The following CDIN1 variants were observed in gnomAD, a reference collection of about 807,000 sequenced individuals.
The protein encoded by CDIN1 is CDAN1-interacting nuclease 1.
In CDIN1, 33 loss-of-function variants were observed where a neutral mutation model predicts 45.3. The observed-to-expected ratio is 0.73, with a 90% confidence interval of 0.55 to 0.97. The LOEUF (loss-of-function observed/expected upper bound fraction) is 0.97, where lower values mean the gene tolerates loss of function less well. Ranked by LOEUF, CDIN1 falls within the 50% of genes least tolerant of loss-of-function variation. The pLI is 0.00. For synonymous variants in CDIN1, 118 were observed against 124.4 expected, an observed-to-expected ratio of 0.95 and a Z score of 0.34; for missense variants, 303 against 339.4, an observed-to-expected ratio of 0.89 and a Z score of 0.84.
intron 10 of CDIN1, among the ~76,000 whole-genome samples, chr15:36,797,799 G>C (rs1383218116): frequency 1.3e-5 from 2 of 151,948 alleles, no homozygotes; most frequent in Non-Finnish European, 2.9e-5. Context: ...TGCCAACATG[G>C]TGAAACCCCG....
chr15:36,595,895 A>G (rs7183890), intron 1 of CDIN1, among the ~76,000 whole-genome samples: 53,309 of 152,138 alleles, frequency 0.35, 9,541 homozygotes, highest in Middle Eastern at 0.46. Flanking sequence ...CTGACGGCAT[A>G]TCATCAGTAA....
chr15:36,707,126 T>G (rs955773451), intron 8 of CDIN1: 8 of 152,064 alleles, frequency 5.3e-5, no homozygotes, highest in Non-Finnish European at 1.0e-4. Flanking sequence ...GTAAATAGAT[T>G]AAAGGAAGAA....
At chr15:36,687,187 AAG>A (rs1296954807) in intron 5 of CDIN1, among the ~76,000 whole-genome samples, 1 of 152,120 alleles carries the variant, frequency 6.6e-6, no homozygotes, top group Non-Finnish European at 1.5e-5. Flanking sequence ...CACAGAAAAT[AAG>A]AGAGTAAAAA....
intron 1 of CDIN1, among the ~76,000 whole-genome samples, chr15:36,621,728 C>CA (rs1409171596): frequency 1.3e-5 from 2 of 151,362 alleles, no homozygotes; most frequent in African/African-American, 2.4e-5. Flanking sequence ...TCTGTAAAAA[C>CA]AAAAAAAAAT....
At chr15:36,805,521 G>C (rs1015423951) in intron 10 of CDIN1, among the ~76,000 whole-genome samples, 1 of 152,122 alleles carries the variant, frequency 6.6e-6, no homozygotes, top group Non-Finnish European at 1.5e-5. Context: ...GCATCAAAAA[G>C]AGGAAATGGT....
intron 10 of CDIN1, among the ~76,000 whole-genome samples, chr15:36,712,996 G>A (rs1282569611): frequency 6.6e-6 from 1 of 152,098 alleles, no homozygotes; most frequent in Non-Finnish European, 1.5e-5. Context: ...TAATCAAAAG[G>A]TGAGTTCTTT....
At chr15:36,581,843 T>C (rs548855631) in intron 1 of CDIN1, among the ~76,000 whole-genome samples, 1 of 152,374 alleles carries the variant, frequency 6.6e-6, no homozygotes, top group Admixed American at 6.5e-5. Flanking sequence ...TTACAATCCA[T>C]TGGCCTATTT....
chr15:36,667,686 C>T (rs561907574), intron 5 of CDIN1, among the ~76,000 whole-genome samples: 13 of 152,176 alleles, frequency 8.5e-5, no homozygotes, highest in Admixed American at 2.6e-4. Flanking sequence ...CATGAGAAGA[C>T]GCTAATATAT....
rs1681164031 is a variant in CDIN1 at position 36,619,108 on chromosome 15, G to T, written c.102-25170G>T. On this transcript the variant is annotated intron_variant, in intron 1 of 10. Coordinates refer to ENST00000566621, the MANE Select transcript of CDIN1 (RefSeq NM_001321759.2). The stretch of plus-strand genomic sequence containing the variant: ...ACCAAATGAGAAGCCAGAAGCAAGG[G>T]CTAGTAAGGATTATTCTGGCTTCTG... 9 of 1,068,710 alleles carry T rather than the reference G, an allele frequency of 8.4e-6. No individual in the cohort carries two copies. The East Asian group carries it at 1.9e-4, about 22-fold the overall frequency. The allele number at this position is 1,068,710 out of a possible 1,614,324, so 66.2% of individuals were successfully genotyped here. A position where few individuals can be genotyped will look rare whatever the true frequency, so the allele number is the denominator to read the frequency against.
At chr15:36,648,761 G>GATAA (rs905395746) in intron 3 of CDIN1, 1 of 152,100 alleles carries the variant, frequency 6.6e-6, no homozygotes, top group Non-Finnish European at 1.5e-5. Flanking sequence ...ATAAAACTGT[G>GATAA]ATAAACATCT....
At chr15:36,672,734 A>G (rs887719567) in intron 5 of CDIN1, among the ~76,000 whole-genome samples, 1 of 151,968 alleles carries the variant, frequency 6.6e-6, no homozygotes, top group Non-Finnish European at 1.5e-5. Context: ...ATCCAGAAGC[A>G]TATTCATCAC....
At chr15:36,734,896 CTG>C (rs2043960486) in intron 10 of CDIN1, among the ~76,000 whole-genome samples, 1 of 152,124 alleles carries the variant, frequency 6.6e-6, no homozygotes, top group South Asian at 2.1e-4. Context: ...TTAAAATCTC[CTG>C]TGTCTAGACT....
chr15:36,636,817 A>G (rs2039917946), intron 1 of CDIN1, among the ~76,000 whole-genome samples: 1 of 152,220 alleles, frequency 6.6e-6, no homozygotes, highest in Admixed American at 6.5e-5. Flanking sequence ...TCAATAATAA[A>G]TTTTGATACA....
intron 1 of CDIN1, 128 bp downstream of exon 1, chr15:36,580,089 G>A (rs995441102): frequency 2.6e-6 from 2 of 775,272 alleles, no homozygotes; most frequent in Non-Finnish European, 4.1e-6. Context: ...GGCGTTAGGA[G>A]GTCGAGGTTG....
Position 36,809,144 on chromosome 15 carries a change from A to C in CDIN1, c.*691A>C, listed in dbSNP as rs1416795900. On this transcript the variant is annotated 3_prime_UTR_variant, in exon 11 of 11. Transcript: ENST00000566621. ...CCTCTTTTAATAATGTTATTTGAAC[A>C]CCACATATTTTAGATTTATCTTATT... is the stretch of plus-strand genomic sequence containing the variant. 1 of 323,936 alleles carries C rather than the reference A, an allele frequency of 3.1e-6. No homozygotes were observed. The highest frequency in any genetic ancestry group is 2.2e-5 in the African/African-American group (1 of 45,730). 20.1% of individuals were successfully genotyped at this position (323,936 alleles called of 1,614,324 possible).
intron 5 of CDIN1, among the ~76,000 whole-genome samples, chr15:36,680,191 A>G (rs116191187): frequency 2.3e-4 from 35 of 152,298 alleles, no homozygotes; most frequent in African/African-American, 6.3e-4. Flanking sequence ...CCCAGATGCC[A>G]TAACAGTAGG....
chr15:36,619,014 A>G, intron 1 of CDIN1: 1 of 1,468,076 alleles, frequency 6.8e-7, no homozygotes, highest in Middle Eastern at 2.1e-4. Context: ...CACTATGGGA[A>G]CTTCGCTCCA....
intron 10 of CDIN1, among the ~76,000 whole-genome samples, chr15:36,721,336 A>C (rs1260365982): frequency 1.3e-5 from 2 of 152,122 alleles, no homozygotes; most frequent in Non-Finnish European, 2.9e-5. Flanking sequence ...TTTACTTCTG[A>C]GCACTGTTGT....
chr15:36,803,652 G>A (rs145222357), intron 10 of CDIN1, among the ~76,000 whole-genome samples: 37 of 152,244 alleles, frequency 2.4e-4, no homozygotes, highest in African/African-American at 8.7e-4. Context: ...CTAATTCTTG[G>A]CTACTTTCAA....
Sources: gnomAD v4.1 joint callset for allele counts (sites outside exome capture counted in the v4.1 genomes callset) on GRCh38, gnomAD v4.1.1 for gene constraint, MANE v1.5 for transcripts, NCBI Gene and HGNC (gene_info 2026-07-23, HGNC 2026-07-21) for gene names.